Variants in KLHL3 observed in about 807,000 individuals in gnomAD.
The protein encoded by KLHL3 is kelch-like protein 3.
In KLHL3, 19 loss-of-function variants were observed where a neutral mutation model predicts 70.5. That is an observed-to-expected ratio of 0.27 (90% CI 0.19 to 0.40). KLHL3 has a LOEUF of 0.40. KLHL3 is among the 10% of genes least tolerant of loss of function. The pLI is 1.00. For synonymous variants in KLHL3, 258 were observed against 290.3 expected (o/e 0.89, Z 1.13); for missense variants, 512 against 771.1 (o/e 0.66, Z 3.98).
chr5:137,726,716 T>C (rs1026338472), intron 1 of KLHL3, among the ~76,000 whole-genome samples: 2 of 152,098 alleles, frequency 1.3e-5, no homozygotes, highest in African/African-American at 4.8e-5. Flanking sequence ...CTGTATAGCT[T>C]AGCCTGCCCA....
chr5:137,698,527 A>T lies in KLHL3; in HGVS notation c.242-119T>A. 6 of 1,133,552 alleles carry T rather than the reference A, an allele frequency of 5.3e-6. No individual in the cohort carries two copies. The East Asian group carries it at 1.4e-4, about 27-fold the overall frequency. 70.2% of individuals were successfully genotyped at this position (1,133,552 alleles called of 1,614,324 possible). Reference sequence around the variant, plus strand: ...AAGCACTTCCTGGGCTCCAGGAGGCAGCAGAAGGGATTCAGGCACAGAAGA... The same window carrying T: ...AAGCACTTCCTGGGCTCCAGGAGGCTGCAGAAGGGATTCAGGCACAGAAGA... On this transcript the variant is annotated intron_variant, in intron 3 of 14. Coordinates refer to ENST00000309755, the MANE Select transcript of KLHL3 (RefSeq NM_017415.3).
chr5:137,675,067 C>T (rs1434944419), intron 6 of KLHL3, among the ~76,000 whole-genome samples: 2 of 152,128 alleles, frequency 1.3e-5, no homozygotes, highest in Admixed American at 6.6e-5. Flanking sequence ...CTTAAAGGTA[C>T]TAAAGGGATC....
chr5:137,692,852 ACAATGGTTCTCATACTGGG>A lies in KLHL3; in HGVS notation c.364-424_364-406del, dbSNP rs1208161164. 7.0e-4 allele frequency among the ~76,000 whole-genome samples: 106 copies of A among 151,752 alleles called. 1 individual carries two copies. The highest frequency in any genetic ancestry group is 2.4e-3 in the African/African-American group (99 of 41,360). ...CACACACACACACACACACACACAC[ACAATGGTTCTCATACTGGG>A]CTGCACACTGGTATTACCTTAAGAG... is the stretch of plus-strand genomic sequence containing the variant. On this transcript the variant is annotated intron_variant, in intron 4 of 14. Coordinates refer to ENST00000309755, the MANE Select transcript of KLHL3 (RefSeq NM_017415.3).
Position 137,732,379 on chromosome 5 carries a change from A to T in KLHL3, c.14+3254T>A, listed in dbSNP as rs78473863. On this transcript the variant is annotated intron_variant, in intron 1 of 14. Coordinates refer to ENST00000309755, the MANE Select transcript of KLHL3 (RefSeq NM_017415.3). The stretch of plus-strand genomic sequence containing the variant: ...ATACAGCAAAGGCTAGTGCAAATTC[A>T]CAAGTTCTTCTTAAGAGATTTTGGC... 2.8e-3 allele frequency among the ~76,000 whole-genome samples: 430 copies of T among 151,724 alleles called. 1 individual carries two copies. The highest frequency in any genetic ancestry group is 0.01 in the African/African-American group (417 of 41,310).
At chr5:137,704,218 T>C (rs1752632119) in intron 3 of KLHL3, among the ~76,000 whole-genome samples, 1 of 152,038 alleles carries the variant, frequency 6.6e-6, no homozygotes, top group Admixed American at 6.5e-5. Flanking sequence ...ACCCCGTCTC[T>C]ACTAAAAATA....
chr5:137,653,047 C>T (rs1401708691), intron 8 of KLHL3: 1 of 151,132 alleles, frequency 6.6e-6, no homozygotes, highest in Non-Finnish European at 1.5e-5. Flanking sequence ...TTGAGACCAT[C>T]CTGGCTAACA....
chr5:137,630,235 T>C (rs1750600265), intron 12 of KLHL3, among the ~76,000 whole-genome samples: 1 of 152,152 alleles, frequency 6.6e-6, no homozygotes, highest in African/African-American at 2.4e-5. Flanking sequence ...TTGGTTTTGA[T>C]TTCCTAAATC....
At chr5:137,704,170 G>A (rs1580775457) in intron 3 of KLHL3, among the ~76,000 whole-genome samples, 1 of 152,080 alleles carries the variant, frequency 6.6e-6, no homozygotes, top group Non-Finnish European at 1.5e-5. Context: ...TGGATCATGA[G>A]GTCAGGAGAT....
In KLHL3 at chr5:137,639,997, C is replaced by A. The variant is rs775997727; in HGVS notation, c.904-20G>T. On this transcript the variant is annotated intron_variant, in intron 8 of 14. Transcript: ENST00000309755. The surrounding 1 kb of genome is among the most constrained non-coding windows in gnomAD (Gnocchi z 5.0). ...CATGACCTCCGGAGAGACAAGTGGA[C>A]GTTAGCGGGGTCACCCCAAAATCTG... 11 of 1,605,752 alleles carry A rather than the reference C, an allele frequency of 6.9e-6. No homozygotes were observed. Among genetic ancestry groups the A allele is most frequent in the Non-Finnish European group, 9.4e-6 (11 of 1,172,536 alleles).
Position 137,661,882 on chromosome 5 carries a change from A to C in KLHL3, c.753+33T>G, listed in dbSNP as rs762926775. 8 of 1,208,236 alleles carry C rather than the reference A, an allele frequency of 6.6e-6. No homozygotes were observed. The South Asian group carries it at 9.7e-5, about 15-fold the overall frequency. The allele number at this position is 1,208,236 out of a possible 1,614,324, so 74.8% of individuals were successfully genotyped here. On this transcript the variant is annotated intron_variant, in intron 7 of 14. Coordinates refer to ENST00000309755, the MANE Select transcript of KLHL3 (RefSeq NM_017415.3). ...GCTATTCCTACAGGTCTGGGTGAAC[A>C]CAGAAGTGCTTGGCTCTTCATACAA...
intron 5 of KLHL3, among the ~76,000 whole-genome samples, chr5:137,688,472 A>C (rs1371931989): frequency 6.6e-6 from 1 of 152,234 alleles, no homozygotes; most frequent in East Asian, 1.9e-4. Flanking sequence ...CCCTGTGTCT[A>C]GCGGACAGCT....
intron 12 of KLHL3, among the ~76,000 whole-genome samples, chr5:137,633,545 C>T (rs544531293): frequency 1.3e-5 from 2 of 152,098 alleles, no homozygotes; most frequent in South Asian, 2.1e-4. Context: ...TACTGACTAC[C>T]ACAAAGTCAT....
At chr5:137,660,493 C>T (rs1384079116) in intron 7 of KLHL3, among the ~76,000 whole-genome samples, 2 of 152,152 alleles carry the variant, frequency 1.3e-5, no homozygotes, top group African/African-American at 4.8e-5. Context: ...GGGACCTTTT[C>T]TACAGGAAAG....
In KLHL3 at chr5:137,621,878, C is replaced by T. The variant is rs1307136507; in HGVS notation, c.*220G>A. The T allele has an allele frequency of 3.4e-6, 2 of 593,932 alleles. No homozygotes were observed. Among genetic ancestry groups the T allele is most frequent in the Middle Eastern group, 4.5e-4 (1 of 2,226 alleles). 36.8% of individuals were successfully genotyped at this position (593,932 alleles called of 1,614,324 possible). ...TGCTGCCTGGGGATGTCAAGACCCC[C>T]CTTGCTCAGGGCATAGGCCAGAGCA... is the stretch of plus-strand genomic sequence containing the variant. On this transcript the variant is annotated 3_prime_UTR_variant, in exon 15 of 15. Transcript: ENST00000309755.
At position 137,625,885 on chromosome 5, in the gene KLHL3, C is replaced by T. The variant is rs749298481; in HGVS notation, c.1603G>A (p.Val535Ile). The change falls in exon 14 of 15, where the codon GTA becomes ATA. Residue 535 changes from valine to isoleucine, a missense_variant. Transcript: ENST00000309755. ...MCRRNAGVCA[V>I]NGLLYVVGGD... ...CCAACCACATACAGGAGCCCATTTA[C>T]TGCACAGACCCCTGTGAGTCAAACA... is the stretch of plus-strand genomic sequence containing the variant. The T allele has an allele frequency of 2.5e-6, 4 of 1,614,064 alleles. No individual in the cohort carries two copies. Among genetic ancestry groups the T allele is most frequent in the Non-Finnish European group, 2.5e-6 (3 of 1,180,038 alleles).
Position 137,721,877 on chromosome 5 carries a change from A to C in KLHL3, c.15-1293T>G, listed in dbSNP as rs772310202. On this transcript the variant is annotated intron_variant, in intron 1 of 14. Coordinates refer to ENST00000309755, the MANE Select transcript of KLHL3 (RefSeq NM_017415.3). ...CTCCTGAGCAACATCTTTCAACTTT[A>C]TGGAAGGTGGAAATAAGGAATCAAA... Among the ~76,000 whole-genome samples the C allele has an allele frequency of 5.9e-5, 9 of 152,370 alleles. No individual in the cohort carries two copies. The South Asian group carries it at 1.0e-3, about 18-fold the overall frequency.
At position 137,619,952 on chromosome 5, in the gene KLHL3, T is replaced by C. The variant is rs1036890554; in HGVS notation, c.*2146A>G. 1.3e-5 allele frequency: 2 copies of C among 152,216 alleles called. No homozygotes were observed. Among genetic ancestry groups the C allele is most frequent in the Non-Finnish European group, 2.9e-5 (2 of 68,048 alleles). The allele number at this position is 152,216 out of a possible 1,614,324, so 9.4% of individuals were successfully genotyped here. On this transcript the variant is annotated 3_prime_UTR_variant, in exon 15 of 15. Coordinates refer to ENST00000309755, the MANE Select transcript of KLHL3 (RefSeq NM_017415.3). ...CCTATCATCTGAAATTGAGAGCTTC[T>C]GTGAATGGCATACATCAGATCCCAA... is the stretch of plus-strand genomic sequence containing the variant.
At chr5:137,622,794 C>T (rs757198961) in intron 14 of KLHL3, among the ~76,000 whole-genome samples, 1 of 152,194 alleles carries the variant, frequency 6.6e-6, no homozygotes, top group Non-Finnish European at 1.5e-5. Flanking sequence ...CCACGCATGA[C>T]CCAAAATCTC....
intron 3 of KLHL3, among the ~76,000 whole-genome samples, chr5:137,702,752 G>C (rs1442034562): frequency 1.3e-5 from 2 of 152,190 alleles, no homozygotes; most frequent in African/African-American, 2.4e-5. Context: ...AGATGATGTT[G>C]GCCTGACTGT....
Sources: gnomAD v4.1 joint callset for allele counts (sites outside exome capture counted in the v4.1 genomes callset) on GRCh38, gnomAD v4.1.1 for gene constraint, Gnocchi (gnomAD v3.1) non-coding constraint, MANE v1.5 for transcripts, NCBI Gene and HGNC (gene_info 2026-07-23, HGNC 2026-07-21) for gene names.